TGFBR1: variants seen among roughly 807,000 people sequenced by gnomAD.
TGFBR1 encodes TGF-beta receptor type-1.
A neutral mutation model predicts 55.1 loss-of-function variants in TGFBR1; 20 were observed. The ratio of observed to expected loss-of-function variants is 0.36; its 90% CI spans 0.26 to 0.53. The LOEUF (loss-of-function observed/expected upper bound fraction) is 0.53, where lower values mean the gene tolerates loss of function less well. Among genes scored for constraint, TGFBR1 ranks in the 20% least tolerant of loss-of-function variants. The pLI is 0.91. For synonymous variants in TGFBR1, 220 were observed against 214.8 expected (o/e 1.02, Z -0.21); for missense variants, 385 against 617.6 (o/e 0.62, Z 3.99).
upstream of TGFBR1, among the ~76,000 whole-genome samples, chr9:99,104,285 T>C (rs1408791911): frequency 6.6e-6 from 1 of 151,984 alleles, no homozygotes; most frequent in African/African-American, 2.4e-5. Context: ...ACCCCTCCTT[T>C]GAGGGGTTGG....
chr9:99,139,057 A>G (rs1432699083), intron 4 of TGFBR1, among the ~76,000 whole-genome samples: 3 of 151,852 alleles, frequency 2.0e-5, no homozygotes, highest in African/African-American at 7.3e-5. Context: ...CACCCTCCCA[A>G]AGTGCTGGGA....
chr9:99,118,265 C>A (rs1826805027), intron 1 of TGFBR1, among the ~76,000 whole-genome samples: 1 of 152,120 alleles, frequency 6.6e-6, no homozygotes, highest in South Asian at 2.1e-4. Context: ...ACATAGTTGT[C>A]CTCTGCAAGT....
At chr9:99,147,480 CAG>C (rs1346719048) in intron 7 of TGFBR1, among the ~76,000 whole-genome samples, 172 bp from the exon 8 acceptor site, 2 of 152,174 alleles carry the variant, frequency 1.3e-5, no homozygotes, top group African/African-American at 2.4e-5. Flanking sequence ...AATATCAACT[CAG>C]GGAAGTGGCT....
chr9:99,107,001 TA>T (rs1045775667), intron 1 of TGFBR1, among the ~76,000 whole-genome samples: 5 of 152,208 alleles, frequency 3.3e-5, no homozygotes, highest in African/African-American at 9.6e-5. Context: ...ACACCGCTAT[TA>T]ACTTGAATAA....
At chr9:99,131,292 A>T (rs1306460301) in intron 2 of TGFBR1, among the ~76,000 whole-genome samples, 1 of 152,116 alleles carries the variant, frequency 6.6e-6, no homozygotes, top group Non-Finnish European at 1.5e-5. Context: ...AAAATTCTTG[A>T]AATAGGCCAA....
At chr9:99,118,021 A>G (rs912424132) in intron 1 of TGFBR1, among the ~76,000 whole-genome samples, 1 of 152,168 alleles carries the variant, frequency 6.6e-6, no homozygotes, top group African/African-American at 2.4e-5. Flanking sequence ...TGTAATTTCT[A>G]TCAATAAGTA....
chr9:99,140,386 G>A (rs1413555603), intron 4 of TGFBR1, among the ~76,000 whole-genome samples: 3 of 152,098 alleles, frequency 2.0e-5, no homozygotes, highest in Non-Finnish European at 4.4e-5. Flanking sequence ...CCTGGGAGGT[G>A]GAGGTTGCAG....
chr9:99,129,676 G>C (rs1022082445), intron 2 of TGFBR1, among the ~76,000 whole-genome samples: 1 of 152,216 alleles, frequency 6.6e-6, no homozygotes, highest in African/African-American at 2.4e-5. Flanking sequence ...GAGGTGGGCA[G>C]ATCACTTGAG....
Position 99,132,552 on chromosome 9 carries a change from C to G in TGFBR1, c.387C>G (p.Val129=), listed in dbSNP as rs749733473. ...PGLGPVELAA[V]IAGPVCFVCI... ...TTGGTCCTGTGGAACTGGCAGCTGT[C>G]ATTGCTGGACCAGTGTGCTTCGTCT... The change falls in exon 3 of 9, where the codon GTC becomes GTG. Residue 129 remains valine, a synonymous_variant. Transcript: ENST00000374994. The G allele has an allele frequency of 6.2e-7, 1 of 1,614,136 alleles. No homozygotes were observed. The highest frequency in any genetic ancestry group is 8.5e-7 in the Non-Finnish European group (1 of 1,180,008).
chr9:99,132,767 A>G, intron 3 of TGFBR1, 28 bp downstream of exon 3: 4 of 1,613,498 alleles, frequency 2.5e-6, no homozygotes, highest in South Asian at 2.2e-5. Flanking sequence ...CCTTTTTCCT[A>G]AGACATCTTT....
intron 1 of TGFBR1, among the ~76,000 whole-genome samples, chr9:99,108,023 G>A (rs183153531): frequency 1.3e-5 from 2 of 152,278 alleles, no homozygotes; most frequent in African/African-American, 2.4e-5. Flanking sequence ...TGCGTTATAG[G>A]TACCCAGAGG....
intron 2 of TGFBR1, among the ~76,000 whole-genome samples, chr9:99,129,455 TCA>T (rs1827149230): frequency 6.6e-6 from 1 of 152,226 alleles, no homozygotes. Context: ...TTTAAAGCAA[TCA>T]CAGTCTTTTA....
intron 3 of TGFBR1, among the ~76,000 whole-genome samples, chr9:99,134,641 C>T (rs1827362893): frequency 6.6e-6 from 1 of 151,378 alleles, no homozygotes. Flanking sequence ...AACTTATACT[C>T]CGGAAAGACA....
chr9:99,128,475 T>TTAAAA (rs757397252), intron 1 of TGFBR1, among the ~76,000 whole-genome samples: 4 of 104,048 alleles, frequency 3.8e-5, no homozygotes, highest in Non-Finnish European at 7.8e-5. Context: ...TTGGGCCTGG[T>TTAAAA]AAAAAAAAAA....
chr9:99,116,377 A>G (rs531101398), intron 1 of TGFBR1, among the ~76,000 whole-genome samples: 2 of 152,278 alleles, frequency 1.3e-5, no homozygotes, highest in Non-Finnish European at 2.9e-5. Context: ...TGCATTGCAA[A>G]CAGATGGTGT....
chr9:99,129,560 T>C (rs187778043), intron 2 of TGFBR1, among the ~76,000 whole-genome samples: 3 of 152,336 alleles, frequency 2.0e-5, no homozygotes, highest in Admixed American at 2.0e-4. Context: ...AAATTAATTA[T>C]ACATGATTTC....
chr9:99,110,622 A>G (rs1826539784), intron 1 of TGFBR1, among the ~76,000 whole-genome samples: 1 of 152,242 alleles, frequency 6.6e-6, no homozygotes, highest in South Asian at 2.1e-4. Context: ...AAATATATAT[A>G]TAAAAGAAAG....
Position 99,132,240 on chromosome 9 carries a change from T to C in TGFBR1, c.344-269T>C, listed in dbSNP as rs1412423885. ...GATAAGTGGGGAAGGTCCTATGATATTGGCGGCAGTTGGCCTTGTAATGAT... is the reference window on the plus strand; with the variant it reads ...GATAAGTGGGGAAGGTCCTATGATACTGGCGGCAGTTGGCCTTGTAATGAT... On this transcript the variant is annotated intron_variant, in intron 2 of 8. Coordinates refer to ENST00000374994, the MANE Select transcript of TGFBR1 (RefSeq NM_004612.4). Among the ~76,000 whole-genome samples, 3 of 152,156 alleles carry C rather than the reference T, an allele frequency of 2.0e-5. 1 individual carries two copies. The highest frequency in any genetic ancestry group is 4.4e-5 in the Non-Finnish European group (3 of 68,016).
Position 99,132,711 on chromosome 9 carries a change from T to C in TGFBR1, c.546T>C (p.Tyr182=). 1 of 1,614,174 alleles carries C rather than the reference T, an allele frequency of 6.2e-7. No individual in the cohort carries two copies. Among genetic ancestry groups the C allele is most frequent in the Non-Finnish European group, 8.5e-7 (1 of 1,180,010 alleles). ...SEGTTLKDLI[Y]DMTTSGSGSG... Reference sequence around the variant, plus strand: ...GTACTACGTTGAAAGACTTAATTTATGATATGACAACGTCAGGTTCTGGCT... The same window carrying C: ...GTACTACGTTGAAAGACTTAATTTACGATATGACAACGTCAGGTTCTGGCT... Residue 182 remains tyrosine (Y), a synonymous_variant, in exon 3 of 9, where the codon TAT becomes TAC. Transcript: ENST00000374994.
Sources: allele counts gnomAD v4.1 joint callset (sites outside exome capture counted in the v4.1 genomes callset), GRCh38; gene constraint gnomAD v4.1.1; transcripts MANE v1.5; gene names NCBI Gene and HGNC (gene_info 2026-07-23, HGNC 2026-07-21).